The following PCDH11X variants were observed in gnomAD, a reference collection of about 807,000 sequenced individuals.
PCDH11X encodes the protein protocadherin-11 X-linked.
A neutral mutation model predicts 53.3 loss-of-function variants in PCDH11X; 18 were observed. That is an observed-to-expected ratio of 0.34 (90% CI 0.23 to 0.50). PCDH11X has a LOEUF of 0.50. Among genes scored for constraint, PCDH11X ranks in the 20% least tolerant of loss-of-function variants. The pLI, the probability that PCDH11X is intolerant of heterozygous loss-of-function variation, is 0.98. For missense variants in PCDH11X, 570 were observed against 1,032.4 expected (o/e 0.55, Z 6.14); for synonymous variants, 279 against 393.3 (o/e 0.71, Z 3.44).
intron 8 of PCDH11X, among the ~76,000 whole-genome samples, chrX:92,282,608 T>C (rs1266613016): frequency 8.9e-6 from 1 of 111,747 alleles, no homozygotes; most frequent in Non-Finnish European, 1.9e-5. Flanking sequence ...TATGCTAAAA[T>C]AAAATAGCAT....
chrX:91,812,470 A>AC (rs761424418), intron 4 of PCDH11X, among the ~76,000 whole-genome samples: 3 of 109,924 alleles, frequency 2.7e-5, no homozygotes, highest in Non-Finnish European at 3.8e-5. Flanking sequence ...TCTACCTTTC[A>AC]TTCCTTCAAG....
intron 10 of PCDH11X, among the ~76,000 whole-genome samples, chrX:92,557,719 G>A (rs987518468): frequency 1.8e-5 from 2 of 108,855 alleles, no homozygotes; most frequent in Non-Finnish European, 3.8e-5. Flanking sequence ...ATCTCTGCCT[G>A]TTACCCAGTT....
intron 8 of PCDH11X, among the ~76,000 whole-genome samples, chrX:92,383,779 T>C (rs1432917871): frequency 4.4e-4 from 49 of 111,983 alleles, no homozygotes; most frequent in Non-Finnish European, 7.9e-4. Context: ...AGTGCCGCAA[T>C]AAACATACAC....
chrX:92,273,283 G>C (rs1180192103), intron 8 of PCDH11X, among the ~76,000 whole-genome samples: 2 of 110,681 alleles, frequency 1.8e-5, no homozygotes, highest in African/African-American at 6.6e-5. Context: ...GCAGGGGCGG[G>C]GGTCACAAGG....
intron 6 of PCDH11X, among the ~76,000 whole-genome samples, chrX:92,056,327 T>A (rs2063449119): frequency 8.9e-6 from 1 of 112,014 alleles, no homozygotes; most frequent in Non-Finnish European, 1.9e-5. Context: ...TGCATGTATG[T>A]CTTCTTTTGA....
At chrX:92,226,990 T>C (rs1474405989) in intron 7 of PCDH11X, among the ~76,000 whole-genome samples, 2 of 111,789 alleles carry the variant, frequency 1.8e-5, no homozygotes, top group Non-Finnish European at 3.8e-5. Flanking sequence ...CACATTAATT[T>C]TTACTGTGAT....
chrX:91,905,104 A>G (rs1277154974), intron 6 of PCDH11X, among the ~76,000 whole-genome samples: 1 of 71,692 alleles, frequency 1.4e-5, no homozygotes, highest in Non-Finnish European at 2.8e-5. Context: ...TTTGTTTATT[A>G]TTATTATTAT....
chrX:91,980,996 A>G (rs2062123851), intron 6 of PCDH11X, among the ~76,000 whole-genome samples: 2 of 100,694 alleles, frequency 2.0e-5, no homozygotes, highest in Admixed American at 1.1e-4. Flanking sequence ...ATATATATAT[A>G]CACTGAATAT....
intron 6 of PCDH11X, chrX:92,113,447 G>A: frequency 8.3e-7 from 1 of 1,203,662 alleles, no homozygotes; most frequent in Non-Finnish European, 1.1e-6. Flanking sequence ...GAAACCTGCT[G>A]CACATCAATG....
chrX:92,084,730 T>C (rs1324872212), intron 6 of PCDH11X, among the ~76,000 whole-genome samples: 1 of 111,246 alleles, frequency 9.0e-6, no homozygotes, highest in Non-Finnish European at 1.9e-5. Context: ...CTACCAGTGT[T>C]AGACTACCTC....
intron 1 of PCDH11X, among the ~76,000 whole-genome samples, chrX:91,807,104 C>G (rs1217214408): frequency 9.8e-6 from 1 of 102,226 alleles, no homozygotes; most frequent in Non-Finnish European, 2.0e-5. Context: ...TTTTGGGAGG[C>G]CAAAATGGGA....
intron 10 of PCDH11X, among the ~76,000 whole-genome samples, chrX:92,473,569 A>G (rs1040436111): frequency 1.8e-5 from 2 of 110,805 alleles, no homozygotes; most frequent in African/African-American, 6.6e-5. Flanking sequence ...CTCATTTTTT[A>G]GTGTAGGCAC....
intron 6 of PCDH11X, among the ~76,000 whole-genome samples, chrX:92,020,597 G>A (rs1210904686): frequency 2.7e-5 from 3 of 111,728 alleles, no homozygotes; most frequent in Non-Finnish European, 3.8e-5. Context: ...TGGACCAGCA[G>A]ACATAGTCTT....
chrX:92,130,269 A>AC (rs2064947898), intron 6 of PCDH11X, among the ~76,000 whole-genome samples: 1 of 111,176 alleles, frequency 9.0e-6, no homozygotes, highest in African/African-American at 3.3e-5. Flanking sequence ...AAATTCCTTG[A>AC]CTAGCCATCT....
At chrX:92,186,584 C>A (rs996422867) in intron 6 of PCDH11X, among the ~76,000 whole-genome samples, 3 of 100,149 alleles carry the variant, frequency 3.0e-5, no homozygotes, top group Non-Finnish European at 5.9e-5. Context: ...GCCGAGATTG[C>A]GCCATTGCAC....
intron 6 of PCDH11X, among the ~76,000 whole-genome samples, chrX:91,934,576 A>G (rs2061423460): frequency 9.2e-6 from 1 of 108,784 alleles, no homozygotes; most frequent in African/African-American, 3.3e-5. Flanking sequence ...TCTTTAGGAT[A>G]CTCTAAAACT....
Position 92,460,396 on chromosome X carries a change from G to A in PCDH11X, c.3344-7903G>A, listed in dbSNP as rs1313551990. The A allele has an allele frequency of 1.6e-5, 15 of 927,973 alleles. No homozygotes were observed. In the African/African-American group the frequency reaches 2.1e-4, roughly 13 times the overall value. 76.5% of individuals were successfully genotyped at this position (927,973 alleles called of 1,213,427 possible). On this transcript the variant is annotated intron_variant, in intron 9 of 10. Coordinates refer to ENST00000682573, the MANE Select transcript of PCDH11X (RefSeq NM_032968.5). ...AGATGCCCCCAAATCTCAGGACCTC[G>A]CCAAGATCATGGCAGACATCCGGGC...
At chrX:91,875,374 T>C (rs1210388229) in intron 5 of PCDH11X, among the ~76,000 whole-genome samples, 3 of 103,468 alleles carry the variant, frequency 2.9e-5, no homozygotes, top group Non-Finnish European at 3.9e-5. Context: ...GCTCCGCCTC[T>C]GGGGTTCATG....
At chrX:92,373,707 C>T (rs2070677945) in intron 8 of PCDH11X, among the ~76,000 whole-genome samples, 1 of 111,279 alleles carries the variant, frequency 9.0e-6, no homozygotes, top group Admixed American at 9.6e-5. Context: ...TTAACCACTT[C>T]GATTTTTTTA....
Sources: allele counts gnomAD v4.1 joint callset (sites outside exome capture counted in the v4.1 genomes callset), GRCh38; gene constraint gnomAD v4.1.1; transcripts MANE v1.5; gene names NCBI Gene and HGNC (gene_info 2026-07-23, HGNC 2026-07-21).